Variants in PCDH11Y observed in about 807,000 individuals in gnomAD.
The protein encoded by PCDH11Y is protocadherin 11 Y-linked.
For missense variants in PCDH11Y, 12 were observed against 224.8 expected (o/e 0.05, Z 6.05); for synonymous variants, 9 against 83.6 (o/e 0.11, Z 4.87).
chrY:5,639,819 C>A, intron 4 of PCDH11Y, among the ~76,000 whole-genome samples: 1 of 29,513 alleles, frequency 3.4e-5, no homozygotes, highest in Non-Finnish European at 8.0e-5. Context: ...CCTGGCCTGG[C>A]AATTTCTTAA....
chrY:5,441,838 G>C, intron 2 of PCDH11Y, among the ~76,000 whole-genome samples: 1 of 32,426 alleles, frequency 3.1e-5, no homozygotes. Flanking sequence ...TATTCAACAT[G>C]GATATATCAG....
At chrY:5,166,985 A>AG (rs2052879687) in intron 2 of PCDH11Y, among the ~76,000 whole-genome samples, 1 of 32,976 alleles carries the variant, frequency 3.0e-5, no homozygotes, top group Admixed American at 2.8e-4. Flanking sequence ...AAAAAGGAAA[A>AG]GCACGTGATC....
chrY:5,148,724 A>C, intron 2 of PCDH11Y, among the ~76,000 whole-genome samples: 1 of 32,800 alleles, frequency 3.0e-5, no homozygotes, highest in African/African-American at 1.2e-4. Flanking sequence ...CAGAACAGTT[A>C]CATTAGCCCA....
At chrY:5,594,530 A>G in intron 4 of PCDH11Y, among the ~76,000 whole-genome samples, 1 of 33,109 alleles carries the variant, frequency 3.0e-5, no homozygotes, top group African/African-American at 1.2e-4. Context: ...CACCTCACAC[A>G]CACTCACCAG....
Position 5,189,309 on chromosome Y carries a change from T to C in PCDH11Y, c.3129+88602T>C, listed in dbSNP as rs2052909634. ...AATAATACTTTTACATTATCTTTTC[T>C]AATTGAAAATGCTCCTGCTAAAGTG... On this transcript the variant is annotated intron_variant, in intron 2 of 4. Transcript: ENST00000400457. Among the ~76,000 whole-genome samples the C allele has an allele frequency of 8.8e-5, 3 of 34,220 alleles. No homozygotes were observed. The South Asian group carries it at 2.0e-3, about 22-fold the overall frequency. The allele number at this position is 34,220 out of a possible 37,273, so 91.8% of individuals were successfully genotyped here. A position where few individuals can be genotyped will look rare whatever the true frequency, so the allele number is the denominator to read the frequency against.
At chrY:5,368,659 C>T in intron 2 of PCDH11Y, among the ~76,000 whole-genome samples, 1 of 33,463 alleles carries the variant, frequency 3.0e-5, no homozygotes, top group African/African-American at 1.2e-4. Context: ...CCTAGTGGAG[C>T]TGTGAGAAGA....
At chrY:5,215,417 T>C in intron 2 of PCDH11Y, among the ~76,000 whole-genome samples, 1 of 31,536 alleles carries the variant, frequency 3.2e-5, no homozygotes, top group African/African-American at 1.3e-4. Context: ...CTCACTACTG[T>C]TGTGCTGAAG....
At chrY:5,541,415 C>T (rs2124692900) in intron 3 of PCDH11Y, among the ~76,000 whole-genome samples, 1 of 33,625 alleles carries the variant, frequency 3.0e-5, no homozygotes, top group Non-Finnish European at 7.5e-5. Flanking sequence ...TCTTCCGTCC[C>T]ACCAAGGTAA....
chrY:5,131,260 G>A, intron 2 of PCDH11Y, among the ~76,000 whole-genome samples: 4 of 32,724 alleles, frequency 1.2e-4, no homozygotes, highest in Non-Finnish European at 3.0e-4. Context: ...CCATTAAAGT[G>A]GAGTCAAAAT....
chrY:5,583,445 CATTG>C (rs2053452616), intron 4 of PCDH11Y, among the ~76,000 whole-genome samples: 1 of 29,281 alleles, frequency 3.4e-5, no homozygotes, highest in Non-Finnish European at 8.2e-5. Context: ...CAGGGGTTTG[CATTG>C]AATCTGTAGA....
intron 1 of PCDH11Y, among the ~76,000 whole-genome samples, chrY:5,029,449 T>C: frequency 3.2e-5 from 1 of 31,073 alleles, no homozygotes; most frequent in Non-Finnish European, 7.7e-5. Context: ...TGATTATTTA[T>C]TTAAAATTTA....
intron 3 of PCDH11Y, among the ~76,000 whole-genome samples, chrY:5,049,921 TTC>T (rs2052648940): frequency 3.0e-5 from 1 of 33,307 alleles, no homozygotes; most frequent in African/African-American, 1.2e-4. Flanking sequence ...TGTTTTTCTA[TTC>T]ATTTATTAAT....
At chrY:5,604,981 T>C in intron 4 of PCDH11Y, among the ~76,000 whole-genome samples, 1 of 32,982 alleles carries the variant, frequency 3.0e-5, no homozygotes, top group Non-Finnish European at 7.5e-5. Context: ...ATGCAGTATT[T>C]TTCTTTCTAT....
intron 2 of PCDH11Y, among the ~76,000 whole-genome samples, chrY:5,303,670 T>C: frequency 3.1e-5 from 1 of 32,427 alleles, no homozygotes; most frequent in Non-Finnish European, 7.5e-5. Flanking sequence ...CTTAGTGGTT[T>C]AAAACAACAC....
chrY:5,551,798 G>A (rs2053418859), intron 3 of PCDH11Y, among the ~76,000 whole-genome samples: 1 of 32,977 alleles, frequency 3.0e-5, no homozygotes, highest in Non-Finnish European at 7.5e-5. Context: ...AAGATGAAGG[G>A]TCACAGAGAA....
chrY:5,535,749 G>T (rs2053399501), intron 3 of PCDH11Y, among the ~76,000 whole-genome samples: 1 of 32,652 alleles, frequency 3.1e-5, no homozygotes, highest in African/African-American at 1.2e-4. Context: ...GTAGATATTC[G>T]GTAGTGGGAT....
intron 3 of PCDH11Y, among the ~76,000 whole-genome samples, chrY:5,564,501 T>C: frequency 3.1e-5 from 1 of 31,748 alleles, no homozygotes; most frequent in Non-Finnish European, 7.7e-5. Context: ...AAGTTTCCAA[T>C]TTATTAATAT....
At chrY:5,057,778 G>A (rs1602852959) in intron 1 of PCDH11Y, among the ~76,000 whole-genome samples, 2 of 32,075 alleles carry the variant, frequency 6.2e-5, no homozygotes, top group East Asian at 1.7e-3. Context: ...GTCCAGTCAT[G>A]CTTCTGCCAA....
chrY:5,736,015 A>G, intron 4 of PCDH11Y, among the ~76,000 whole-genome samples: 2 of 32,549 alleles, frequency 6.1e-5, no homozygotes, highest in Admixed American at 2.8e-4. Flanking sequence ...TTTATTTTCA[A>G]TCTGTATGTC....
Sources: allele counts gnomAD v4.1 joint callset (sites outside exome capture counted in the v4.1 genomes callset), GRCh38; gene constraint gnomAD v4.1.1; transcripts MANE v1.5; gene names NCBI Gene and HGNC (gene_info 2026-07-23, HGNC 2026-07-21).